Variants in VEPH1 observed in about 807,000 individuals in gnomAD.
VEPH1 encodes the protein ventricular zone expressed PH domain containing 1, also known as ventricular zone-expressed PH domain-containing protein homolog 1.
In VEPH1, 80 loss-of-function variants were observed where a neutral mutation model predicts 85.2. The ratio of observed to expected loss-of-function variants is 0.94; its 90% CI spans 0.78 to 1.13. The LOEUF is 1.13. Ranked by LOEUF, VEPH1 falls within the 50% of genes most tolerant of loss-of-function variation. VEPH1 has a pLI of 0.00. For missense variants in VEPH1, 955 were observed against 980.5 expected, an observed-to-expected ratio of 0.97 and a Z score of 0.35; for synonymous variants, 297 against 348.0, an observed-to-expected ratio of 0.85 and a Z score of 1.63.
chr3:157,480,084 G>GTCTC (rs10651809), intron 2 of VEPH1, among the ~76,000 whole-genome samples: 21 of 129,784 alleles, frequency 1.6e-4, no homozygotes, highest in Non-Finnish European at 2.5e-4. Context: ...CTTTCTTTCT[G>GTCTC]TCTCTCTCTC....
chr3:157,313,383 A>C (rs937363282), intron 11 of VEPH1, among the ~76,000 whole-genome samples: 2 of 152,170 alleles, frequency 1.3e-5, no homozygotes, highest in African/African-American at 4.8e-5. Flanking sequence ...GTGTGGTTCT[A>C]GGAAACTGTA....
At chr3:157,494,198 G>A (rs1223738065) in intron 2 of VEPH1, among the ~76,000 whole-genome samples, 4 of 152,196 alleles carry the variant, frequency 2.6e-5, no homozygotes, top group African/African-American at 7.2e-5. Flanking sequence ...GAGGCTGCAC[G>A]GGTTGCCAGT....
intron 7 of VEPH1, among the ~76,000 whole-genome samples, chr3:157,370,130 CA>C (rs1211005566): frequency 1.3e-5 from 2 of 152,150 alleles, no homozygotes; most frequent in East Asian, 3.8e-4. Flanking sequence ...GTTGCCAAAG[CA>C]AAGTTTTTAA....
chr3:157,475,456 A>G (rs577632746), intron 2 of VEPH1, among the ~76,000 whole-genome samples: 1 of 152,324 alleles, frequency 6.6e-6, no homozygotes, highest in African/African-American at 2.4e-5. Context: ...TAAACATGTC[A>G]TATTAGCTCA....
intron 12 of VEPH1, chr3:157,286,087 A>C (rs1716734293): frequency 6.5e-6 from 1 of 154,316 alleles, no homozygotes; most frequent in African/African-American, 2.4e-5. Flanking sequence ...ACCAGCTATG[A>C]GGTTATTTCT....
chr3:157,445,256 A>G (rs1734456049), intron 4 of VEPH1, among the ~76,000 whole-genome samples: 1 of 152,188 alleles, frequency 6.6e-6, no homozygotes, highest in Non-Finnish European at 1.5e-5. Context: ...AGAAAAATAT[A>G]CTTTTGTCGT....
chr3:157,495,034 A>G (rs1346641504), intron 2 of VEPH1, among the ~76,000 whole-genome samples, 178 bp downstream of exon 2: 2 of 152,210 alleles, frequency 1.3e-5, no homozygotes, highest in Non-Finnish European at 2.9e-5. Flanking sequence ...CTACTAAGCC[A>G]TGACTTCCCT....
chr3:157,381,115 T>A (rs1447512692), intron 7 of VEPH1, 41 bp downstream of exon 7: 2 of 1,603,508 alleles, frequency 1.2e-6, no homozygotes, highest in Non-Finnish European at 1.7e-6. Context: ...CCCCCACAGG[T>A]GCACAGCAGC....
intron 9 of VEPH1, among the ~76,000 whole-genome samples, chr3:157,323,751 T>C (rs1721603056): frequency 6.6e-6 from 1 of 152,182 alleles, no homozygotes; most frequent in African/African-American, 2.4e-5. Flanking sequence ...TTCAGAAATA[T>C]ACAAGCCATA....
intron 4 of VEPH1, among the ~76,000 whole-genome samples, chr3:157,431,207 G>T (rs1181892576): frequency 6.6e-6 from 1 of 152,148 alleles, no homozygotes; most frequent in Non-Finnish European, 1.5e-5. Flanking sequence ...GACGTGCCTT[G>T]TTTCCCCTTT....
At chr3:157,413,753 C>T (rs1731694229) in intron 6 of VEPH1, 128 bp downstream of exon 6, 6 of 1,391,266 alleles carry the variant, frequency 4.3e-6, no homozygotes, top group Non-Finnish European at 4.8e-6. Flanking sequence ...ATTTGTATGT[C>T]AAAGAGAAAT....
At chr3:157,304,819 CATTTT>C (rs1332430483) in intron 11 of VEPH1, among the ~76,000 whole-genome samples, 4 of 152,034 alleles carry the variant, frequency 2.6e-5, no homozygotes, top group Non-Finnish European at 5.9e-5. Flanking sequence ...ATATCATTAA[CATTTT>C]ATTATATTTC....
At chr3:157,273,308 A>G (rs949854) in intron 12 of VEPH1, among the ~76,000 whole-genome samples, 33,199 of 152,224 alleles carry the variant, frequency 0.22, 4,445 homozygotes, top group Admixed American at 0.41. Flanking sequence ...GACAGTCTCA[A>G]TTATTGAGAT....
chr3:157,302,584 A>G (rs1448203327), intron 11 of VEPH1, among the ~76,000 whole-genome samples: 1 of 152,206 alleles, frequency 6.6e-6, no homozygotes, highest in African/African-American at 2.4e-5. Context: ...CGCACTAGAC[A>G]CTGAATCTGC....
chr3:157,315,636 A>G (rs78045715), intron 10 of VEPH1, among the ~76,000 whole-genome samples: 27 of 152,184 alleles, frequency 1.8e-4, no homozygotes, highest in African/African-American at 6.0e-4. Context: ...ACACAATATC[A>G]TAAGTGTGGA....
intron 5 of VEPH1, among the ~76,000 whole-genome samples, chr3:157,424,216 A>G (rs1732575264): frequency 6.6e-6 from 1 of 152,036 alleles, no homozygotes; most frequent in African/African-American, 2.4e-5. Flanking sequence ...CATATTCCTC[A>G]TTTTCTCTTA....
rs115451340 is a variant in VEPH1, at chr3:157,400,968, T to A, written c.906+12913A>T. Among the ~76,000 whole-genome samples, 650 of 152,226 alleles carry A rather than the reference T, an allele frequency of 4.3e-3. 6 individuals are homozygous for A. Among genetic ancestry groups the A allele is most frequent in the African/African-American group, 0.015 (621 of 41,552 alleles). On this transcript the variant is annotated intron_variant, in intron 6 of 13. Coordinates refer to ENST00000362010, the MANE Select transcript of VEPH1 (RefSeq NM_001167912.2). ...ATTTTCTTCTCCCACCATGCCATAG[T>A]CCCCTCATGTAAATGACCTCTCACT...
At chr3:157,398,652 A>C (rs1730598908) in intron 6 of VEPH1, among the ~76,000 whole-genome samples, 1 of 148,204 alleles carries the variant, frequency 6.7e-6, no homozygotes, top group Admixed American at 6.7e-5. Flanking sequence ...AAAAAAAAGG[A>C]GTTATCTGCA....
intron 5 of VEPH1, among the ~76,000 whole-genome samples, chr3:157,417,318 A>G (rs1731998717): frequency 6.6e-6 from 1 of 152,158 alleles, no homozygotes; most frequent in Admixed American, 6.6e-5. Context: ...CTGAGAGCCA[A>G]GTAGCCACTA....
Sources: gnomAD v4.1 joint callset for allele counts (sites outside exome capture counted in the v4.1 genomes callset) on GRCh38, gnomAD v4.1.1 for gene constraint, MANE v1.5 for transcripts, NCBI Gene and HGNC (gene_info 2026-07-23, HGNC 2026-07-21) for gene names.